Variants in ESRRG observed in about 807,000 individuals in gnomAD.
ESRRG encodes the protein estrogen-related receptor gamma.
A neutral mutation model predicts 44.0 loss-of-function variants in ESRRG; 13 were observed. That is an observed-to-expected ratio of 0.30 (90% confidence interval 0.19 to 0.47). The LOEUF (loss-of-function observed/expected upper bound fraction) is 0.47. ESRRG is among the 20% of genes least tolerant of loss of function. The pLI, the probability that ESRRG is intolerant of heterozygous loss-of-function variation, is 1.00. For synonymous variants in ESRRG, 215 were observed against 214.6 expected, an observed-to-expected ratio of 1.00 and a Z score of -0.02; for missense variants, 395 against 580.6, an observed-to-expected ratio of 0.68 and a Z score of 3.29.
chr1:216,960,625 G>A (rs1377931237), intron 1 of ESRRG, among the ~76,000 whole-genome samples: 1 of 151,800 alleles, frequency 6.6e-6, no homozygotes, highest in Non-Finnish European at 1.5e-5. Flanking sequence ...CTCACTTGTT[G>A]TCCAGGCTGG....
At chr1:216,641,463 A>T (rs1574601962) in intron 3 of ESRRG, among the ~76,000 whole-genome samples, 1 of 152,342 alleles carries the variant, frequency 6.6e-6, no homozygotes, top group East Asian at 1.9e-4. Flanking sequence ...AGATTATAAT[A>T]CTCCAGTGGT....
chr1:216,593,955 A>C (rs2058071997), intron 3 of ESRRG, among the ~76,000 whole-genome samples: 2 of 151,900 alleles, frequency 1.3e-5, no homozygotes, highest in South Asian at 2.1e-4. Context: ...CTGGTGTCAA[A>C]CTCCTGGGCT....
At chr1:217,011,014 A>G (rs1215570333) in intron 1 of ESRRG, among the ~76,000 whole-genome samples, 2 of 152,140 alleles carry the variant, frequency 1.3e-5, no homozygotes, top group Admixed American at 1.3e-4. Flanking sequence ...CAGCCTGCAA[A>G]TTCCAACAAG....
At chr1:216,907,844 G>T (rs1175767806) in intron 2 of ESRRG, among the ~76,000 whole-genome samples, 1 of 152,160 alleles carries the variant, frequency 6.6e-6, no homozygotes, top group Non-Finnish European at 1.5e-5. Context: ...AAGGAAGCCA[G>T]GCACAAAGAA....
At chr1:216,573,167 T>C (rs11585397) in intron 3 of ESRRG, among the ~76,000 whole-genome samples, 27,207 of 151,916 alleles carry the variant, frequency 0.18, 3,083 homozygotes, top group Middle Eastern at 0.26. Context: ...TCTGCAATCA[T>C]GATTTTGTGA....
chr1:216,675,156 T>C (rs2075871418), intron 2 of ESRRG, among the ~76,000 whole-genome samples: 1 of 151,370 alleles, frequency 6.6e-6, no homozygotes, highest in East Asian at 2.0e-4. Flanking sequence ...AGGTCGGGAG[T>C]TCGAGACCAG....
intron 2 of ESRRG, among the ~76,000 whole-genome samples, chr1:216,758,568 T>A (rs533888480): frequency 3.3e-5 from 5 of 152,148 alleles, no homozygotes; most frequent in African/African-American, 4.8e-5. Flanking sequence ...CAATTTTTTT[T>A]AAAGCGACTC....
At chr1:216,972,592 C>T (rs368114114) in intron 1 of ESRRG, among the ~76,000 whole-genome samples, 32 of 152,262 alleles carry the variant, frequency 2.1e-4, no homozygotes, top group African/African-American at 7.2e-4. Flanking sequence ...GGGTCACTGA[C>T]ATGCTGGAAC....
chr1:216,880,884 C>G (rs753331252), intron 2 of ESRRG, among the ~76,000 whole-genome samples: 4 of 152,030 alleles, frequency 2.6e-5, no homozygotes, highest in Non-Finnish European at 4.4e-5. Flanking sequence ...GCATTGCTGA[C>G]CCACTATTAC....
Position 216,734,995 on chromosome 1 carries a change from G to A in ESRRG, c.-13-57504C>T, listed in dbSNP as rs1334799703. ...GCGATCTTGGCTTACTACAACCTCC[G>A]CCTCCTGGGTTCAAGTGATTCTCCT... On this transcript the variant is annotated intron_variant, in intron 2 of 7. Coordinates refer to the ESRRG transcript ENST00000359162. Among the ~76,000 whole-genome samples, 3 of 133,368 alleles carry A rather than the reference G, an allele frequency of 2.2e-5. No homozygotes were observed. The Admixed American group carries it at 2.7e-4, about 12-fold the overall frequency. The allele number at this position is 133,368 out of a possible 152,430, so 87.5% of individuals were successfully genotyped here.
At chr1:216,965,109 A>G (rs549548718) in intron 1 of ESRRG, among the ~76,000 whole-genome samples, 1 of 152,082 alleles carries the variant, frequency 6.6e-6, no homozygotes, top group East Asian at 1.9e-4. Context: ...TGCAAGTCAA[A>G]TGTATCATGG....
At chr1:216,601,576 T>C (rs1349630868) in intron 3 of ESRRG, among the ~76,000 whole-genome samples, 1 of 152,104 alleles carries the variant, frequency 6.6e-6, no homozygotes, top group East Asian at 1.9e-4. Flanking sequence ...AGGGCAGAAA[T>C]GTGGTGGCTT....
At chr1:216,827,647 C>G (rs6686329) in intron 2 of ESRRG, among the ~76,000 whole-genome samples, 24,662 of 152,074 alleles carry the variant, frequency 0.16, 2,737 homozygotes, top group African/African-American at 0.3. Flanking sequence ...AGTTTGTATA[C>G]GTATTCTATC....
intron 1 of ESRRG, among the ~76,000 whole-genome samples, chr1:216,694,249 A>C (rs1183770588): frequency 1.3e-5 from 2 of 152,192 alleles, no homozygotes; most frequent in East Asian, 3.9e-4. Flanking sequence ...GAAGGATATC[A>C]TTGAGCAAGG....
At chr1:216,849,569 T>G (rs185559799) in intron 2 of ESRRG, among the ~76,000 whole-genome samples, 23 of 152,268 alleles carry the variant, frequency 1.5e-4, no homozygotes, top group Admixed American at 5.9e-4. Flanking sequence ...AGGTATTATC[T>G]GCAAACAGTT....
intron 1 of ESRRG, among the ~76,000 whole-genome samples, chr1:217,107,602 G>T (rs894545911): frequency 2.6e-5 from 4 of 152,146 alleles, no homozygotes; most frequent in Non-Finnish European, 5.9e-5. Flanking sequence ...TTCATTGTGG[G>T]TAGTTGGGAC....
intron 2 of ESRRG, among the ~76,000 whole-genome samples, chr1:216,890,706 T>C (rs779126832): frequency 4.6e-5 from 7 of 152,124 alleles, no homozygotes; most frequent in Non-Finnish European, 1.0e-4. Flanking sequence ...GATGGACACA[T>C]GGATGCATCA....
intron 2 of ESRRG, among the ~76,000 whole-genome samples, chr1:216,886,397 A>G (rs999961466): frequency 3.3e-5 from 5 of 152,206 alleles, no homozygotes; most frequent in African/African-American, 1.2e-4. Context: ...TTAAACTGAT[A>G]GCTACTGTCT....
chr1:217,047,468 C>G (rs904820886), intron 1 of ESRRG, among the ~76,000 whole-genome samples: 1 of 152,108 alleles, frequency 6.6e-6, no homozygotes. Context: ...TACTGTCAAT[C>G]CCACCTTCTA....
Sources: allele counts gnomAD v4.1 joint callset (sites outside exome capture counted in the v4.1 genomes callset), GRCh38; gene constraint gnomAD v4.1.1; transcripts MANE v1.5; gene names NCBI Gene and HGNC (gene_info 2026-07-23, HGNC 2026-07-21).